Variants in BLTP1 observed in about 807,000 individuals in gnomAD.
BLTP1 encodes bridge-like lipid transfer protein family member 1.
the BLTP1 span, among the ~76,000 whole-genome samples, chr4:122,352,459 A>C: frequency 6.7e-6 from 1 of 148,704 alleles, no homozygotes. Flanking sequence ...TCCTGGGTTC[A>C]AGCAATTCTC....
chr4:122,173,877 G>A, the BLTP1 span, among the ~76,000 whole-genome samples: 1 of 152,050 alleles, frequency 6.6e-6, no homozygotes, highest in African/African-American at 2.4e-5. Context: ...AATTTCTTGT[G>A]AGTCCACCAT....
At chr4:122,336,825 TAATA>T in the BLTP1 span, 8 of 1,522,826 alleles carry the variant, frequency 5.3e-6, no homozygotes, top group Non-Finnish European at 7.1e-6. Context: ...AAGGATCTTT[TAATA>T]AATAGTTTGC....
chr4:122,243,989 TA>T, the BLTP1 span: 1 of 1,608,920 alleles, frequency 6.2e-7, no homozygotes. Flanking sequence ...GAACTGTTGA[TA>T]TTGTTTTGAC....
the BLTP1 span, chr4:122,249,549 A>C: frequency 3.7e-6 from 6 of 1,613,638 alleles, no homozygotes; most frequent in Non-Finnish European, 5.1e-6. Context: ...TTACTCTTGA[A>C]GAGTTGGATG....
At chr4:122,206,865 C>T in the BLTP1 span, among the ~76,000 whole-genome samples, 16 of 150,986 alleles carry the variant, frequency 1.1e-4, no homozygotes, top group South Asian at 3.3e-3. Context: ...TTCTAAAATT[C>T]CTTAAAAATA....
At chr4:122,185,892 T>A in the BLTP1 span, 3 of 580,124 alleles carry the variant, frequency 5.2e-6, no homozygotes, top group Admixed American at 1.3e-4. Flanking sequence ...TGTTTTGTAT[T>A]TATTTTATTA....
At chr4:122,246,244 G>A in the BLTP1 span, 16 of 1,607,248 alleles carry the variant, frequency 1.0e-5, no homozygotes, top group Non-Finnish European at 1.4e-5. Flanking sequence ...ATCTTACAAT[G>A]AAGCAAGATA....
chr4:122,220,106 T>A, the BLTP1 span, among the ~76,000 whole-genome samples: 1 of 152,060 alleles, frequency 6.6e-6, no homozygotes, highest in Non-Finnish European at 1.5e-5. Context: ...CCAGATGAGG[T>A]GTGTGTCCGG....
the BLTP1 span, among the ~76,000 whole-genome samples, chr4:122,327,229 T>TC: frequency 5.2e-4 from 75 of 145,356 alleles, no homozygotes; most frequent in South Asian, 4.2e-3. Context: ...CTGTGGGGGA[T>TC]TGGTTCTAGG....
the BLTP1 span, chr4:122,214,391 A>G: frequency 2.1e-6 from 2 of 964,148 alleles, no homozygotes; most frequent in Non-Finnish European, 2.5e-6. Flanking sequence ...TCGGTTCTAT[A>G]AGCCAGTGAA....
the BLTP1 span, chr4:122,237,629 C>A: frequency 1.3e-6 from 1 of 764,292 alleles, no homozygotes; most frequent in Non-Finnish European, 1.6e-6. Flanking sequence ...AAAAAATTCA[C>A]TGTTTATGGG....
At chr4:122,331,842 A>G in the BLTP1 span, 8 of 866,058 alleles carry the variant, frequency 9.2e-6, no homozygotes, top group Non-Finnish European at 1.1e-5. Context: ...TCCCTGTATT[A>G]TACATATTTC....
At chr4:122,254,847 A>G in the BLTP1 span, 1 of 1,611,284 alleles carries the variant, frequency 6.2e-7, no homozygotes, top group East Asian at 2.2e-5. Flanking sequence ...CTGTTGGTGC[A>G]TGGCTTGTTC....
the BLTP1 span, chr4:122,232,137 C>G: frequency 1.0e-6 from 1 of 984,972 alleles, no homozygotes; most frequent in Non-Finnish European, 1.2e-6. Context: ...AGTGCTGTAG[C>G]TTGTGAAAAA....
the BLTP1 span, among the ~76,000 whole-genome samples, chr4:122,295,826 A>T: frequency 6.6e-6 from 1 of 152,224 alleles, no homozygotes; most frequent in South Asian, 2.1e-4. Flanking sequence ...AGAACTAAAG[A>T]CAAAAACCAC....
the BLTP1 span, chr4:122,280,173 GTCGTCAGTGCAA>G: frequency 3.0e-6 from 3 of 985,272 alleles, no homozygotes; most frequent in Non-Finnish European, 3.6e-6. Context: ...AAAGTACAGT[GTCGTCAGTGCAA>G]TTGTCAGTGT....
the BLTP1 span, among the ~76,000 whole-genome samples, chr4:122,264,850 A>G: frequency 2.0e-4 from 30 of 152,346 alleles, no homozygotes; most frequent in African/African-American, 7.2e-4. Flanking sequence ...ATTGATTGAA[A>G]TAGAGAAACT....
chr4:122,303,037 T>C, the BLTP1 span, among the ~76,000 whole-genome samples: 1 of 152,330 alleles, frequency 6.6e-6, no homozygotes, highest in South Asian at 2.1e-4. Context: ...GATTTTTCCA[T>C]GTAGCCTTCT....
chr4:122,325,202 T>C, the BLTP1 span: 3 of 1,565,190 alleles, frequency 1.9e-6, no homozygotes, highest in Non-Finnish European at 2.6e-6. Context: ...AGAATATTGG[T>C]GTTTTATAAC....
Sources: gnomAD v4.1 joint callset for allele counts (sites outside exome capture counted in the v4.1 genomes callset) on GRCh38, gnomAD v4.1.1 for gene constraint, MANE v1.5 for transcripts, NCBI Gene and HGNC (gene_info 2026-07-23, HGNC 2026-07-21) for gene names.